The following TCF4 variants were observed in gnomAD, a reference collection of about 807,000 sequenced individuals.
TCF4 encodes SL3-3 enhancer factor 2.
Under a neutral mutation model 82.1 loss-of-function variants are expected in TCF4, and 3 were observed. That is an observed-to-expected ratio of 0.04 (90% confidence interval 0.02 to 0.09). The LOEUF is 0.09. TCF4 is among the 10% of genes least tolerant of loss of function. TCF4 has a pLI of 1.00. For synonymous variants in TCF4, 276 were observed against 309.6 expected (o/e 0.89, Z 1.14); for missense variants, 518 against 852.7 (o/e 0.61, Z 4.89).
intron 8 of TCF4, among the ~76,000 whole-genome samples, chr18:55,297,466 GAGCT>G (rs10568361): frequency 0.44 from 66,227 of 151,428 alleles, 15,724 homozygotes; most frequent in African/African-American, 0.65. Context: ...GGGAGGTGGT[GAGCT>G]AGCTCTTCAC....
intron 3 of TCF4, among the ~76,000 whole-genome samples, chr18:55,564,203 C>T (rs2097380735): frequency 2.0e-5 from 3 of 152,122 alleles, no homozygotes; most frequent in Admixed American, 1.3e-4. Flanking sequence ...AGTCCAAAGC[C>T]TAGAAGAATC....
chr18:55,502,726 A>C (rs1448475753), intron 3 of TCF4, among the ~76,000 whole-genome samples: 1 of 152,214 alleles, frequency 6.6e-6, no homozygotes, highest in African/African-American at 2.4e-5. Flanking sequence ...ACAAAGGAGA[A>C]CTGATTTTCA....
intron 8 of TCF4, among the ~76,000 whole-genome samples, chr18:55,292,208 C>T (rs577133301): frequency 1.8e-4 from 28 of 152,116 alleles, no homozygotes; most frequent in African/African-American, 4.8e-4. Flanking sequence ...AATATTCTTC[C>T]GGAATGAGGA....
At chr18:55,541,919 A>G (rs1206460906) in intron 3 of TCF4, among the ~76,000 whole-genome samples, 1 of 151,958 alleles carries the variant, frequency 6.6e-6, no homozygotes, top group African/African-American at 2.4e-5. Flanking sequence ...TTGACTAAGA[A>G]CAACTAATAC....
At position 55,463,977 on chromosome 18, in the gene TCF4, T is replaced by TGTGAGAGAGA. The variant is rs867214369; in HGVS notation, c.207+98_207+99insTCTCTCTCAC. On this transcript the variant is annotated intron_variant, in intron 4 of 19. Coordinates refer to ENST00000354452, the MANE Select transcript of TCF4 (RefSeq NM_001083962.2). ...GTGTGTGTGTGTGTGTGTGTGTGTG[T>TGTGAGAGAGA]GAGAGAGAGAGAGAGAGAGAGAGAG... 324 of 303,546 alleles carry TGTGAGAGAGA rather than the reference T, an allele frequency of 1.1e-3. 1 individual carries two copies. Among genetic ancestry groups the TGTGAGAGAGA allele is most frequent in the Non-Finnish European group, 5.4e-4 (95 of 176,906 alleles). 18.8% of individuals were successfully genotyped at this position (303,546 alleles called of 1,614,324 possible).
chr18:55,252,702 T>A (rs1319257738), intron 15 of TCF4, among the ~76,000 whole-genome samples: 1 of 152,164 alleles, frequency 6.6e-6, no homozygotes, highest in Non-Finnish European at 1.5e-5. Flanking sequence ...CCTGGGTGCA[T>A]GTTACATCCG....
chr18:55,463,853 T>C (rs1054045806), intron 4 of TCF4, among the ~76,000 whole-genome samples: 1 of 151,880 alleles, frequency 6.6e-6, no homozygotes, highest in African/African-American at 2.4e-5. Flanking sequence ...AATAAGAGAA[T>C]GGGGGAAAAA....
chr18:55,428,744 A>G (rs552855985), intron 5 of TCF4, among the ~76,000 whole-genome samples: 1 of 152,320 alleles, frequency 6.6e-6, no homozygotes, highest in African/African-American at 2.4e-5. Context: ...CAGAGCATGG[A>G]TTTCAGGCTA....
At chr18:55,626,005 C>T (rs915431692) in intron 2 of TCF4, among the ~76,000 whole-genome samples, 3 of 152,118 alleles carry the variant, frequency 2.0e-5, no homozygotes, top group African/African-American at 4.8e-5. Context: ...CTATCAAAAG[C>T]CTGCTTTACT....
At chr18:55,504,308 C>A (rs567269665) in intron 3 of TCF4, among the ~76,000 whole-genome samples, 1 of 152,296 alleles carries the variant, frequency 6.6e-6, no homozygotes, top group East Asian at 1.9e-4. Context: ...AACCATTTCC[C>A]AGCTCCTTCC....
rs75250757 is a variant in TCF4, at chr18:55,376,593, C to T, written c.370-25590G>A. Among the ~76,000 whole-genome samples, 68 of 152,310 alleles carry T rather than the reference C, an allele frequency of 4.5e-4. 2 individuals are homozygous for T. In the East Asian group the frequency reaches 9.5e-3, roughly 21 times the overall value. ...GCAAAGAGGAGGTGCCATTTCTCAA[C>T]TATCACAAACTCACAACTGGGGCTT... On this transcript the variant is annotated intron_variant, in intron 6 of 19. Transcript: ENST00000354452.
intron 6 of TCF4, chr18:55,352,055 A>T: frequency 2.9e-6 from 1 of 349,332 alleles, no homozygotes; most frequent in Non-Finnish European, 4.0e-6. Flanking sequence ...TCACCATGTC[A>T]CTCACAACAG....
At chr18:55,405,497 ATTTT>A (rs918725493) in intron 5 of TCF4, among the ~76,000 whole-genome samples, 3 of 152,076 alleles carry the variant, frequency 2.0e-5, no homozygotes, top group African/African-American at 7.2e-5. Flanking sequence ...AAAAGCATCT[ATTTT>A]TTTCTCTAGA....
intron 15 of TCF4, among the ~76,000 whole-genome samples, chr18:55,240,140 T>C (rs1237975764): frequency 6.6e-6 from 1 of 152,164 alleles, no homozygotes; most frequent in African/African-American, 2.4e-5. Flanking sequence ...ATTATAAACA[T>C]TTTGGTACAT....
intron 3 of TCF4, among the ~76,000 whole-genome samples, chr18:55,548,529 A>G (rs2097226815): frequency 6.6e-6 from 1 of 152,160 alleles, no homozygotes; most frequent in East Asian, 1.9e-4. Context: ...AATGGTTTAC[A>G]TTCTGCCCCT....
intron 3 of TCF4, among the ~76,000 whole-genome samples, chr18:55,568,979 G>T (rs1016070291): frequency 6.6e-5 from 10 of 151,884 alleles, no homozygotes; most frequent in African/African-American, 2.4e-4. Context: ...ACAGATTAAA[G>T]GAAATAAAGA....
intron 6 of TCF4, 111 bp from the exon 7 acceptor site, chr18:55,351,114 T>C: frequency 1.5e-6 from 2 of 1,357,064 alleles, no homozygotes; most frequent in Non-Finnish European, 2.1e-6. Flanking sequence ...CAGCATCTGC[T>C]AAGCTGAGAC....
intron 8 of TCF4, chr18:55,302,727 G>A: frequency 2.0e-6 from 2 of 1,005,884 alleles, no homozygotes. Context: ...GGTGGGACAA[G>A]CCCAGCCACC....
At chr18:55,338,614 T>C (rs936851728) in intron 8 of TCF4, among the ~76,000 whole-genome samples, 2 of 152,226 alleles carry the variant, frequency 1.3e-5, no homozygotes, top group African/African-American at 4.8e-5. Flanking sequence ...TCTTTTTCTT[T>C]CATGAAAGAC....
Sources: allele counts gnomAD v4.1 joint callset (sites outside exome capture counted in the v4.1 genomes callset), GRCh38; gene constraint gnomAD v4.1.1; transcripts MANE v1.5; gene names NCBI Gene and HGNC (gene_info 2026-07-23, HGNC 2026-07-21).